The following DAB1 variants were observed in gnomAD, a reference collection of about 807,000 sequenced individuals.
DAB1 encodes DAB adaptor protein 1, also known as disabled homolog 1.
DAB1 carries 15 observed loss-of-function variants against 64.6 expected under a neutral mutation model. That is an observed-to-expected ratio of 0.23 (90% confidence interval 0.16 to 0.36). DAB1 has a LOEUF of 0.36. Among genes scored for constraint, DAB1 ranks in the 10% least tolerant of loss-of-function variants. DAB1 has a pLI of 1.00. For missense variants in DAB1, 596 were observed against 706.7 expected, an observed-to-expected ratio of 0.84 and a Z score of 1.78; for synonymous variants, 235 against 251.9, an observed-to-expected ratio of 0.93 and a Z score of 0.64.
chr1:57,356,725 C>A (rs759688706), intron 1 of DAB1, among the ~76,000 whole-genome samples: 2 of 152,038 alleles, frequency 1.3e-5, no homozygotes, highest in Non-Finnish European at 2.9e-5. Context: ...TCAGCTGTGG[C>A]CAAATGAAGG....
chr1:57,302,532 T>C (rs1026966916), intron 1 of DAB1, among the ~76,000 whole-genome samples: 1 of 152,074 alleles, frequency 6.6e-6, no homozygotes, highest in Non-Finnish European at 1.5e-5. Context: ...TGGAATCACC[T>C]GAGGAGCTGA....
intron 5 of DAB1, among the ~76,000 whole-genome samples, chr1:58,123,526 A>C (rs928115193): frequency 7.2e-5 from 11 of 152,198 alleles, no homozygotes; most frequent in African/African-American, 2.7e-4. Flanking sequence ...TATCAAGATG[A>C]AAACAGTTTA....
intron 1 of DAB1, among the ~76,000 whole-genome samples, chr1:57,846,814 C>T (rs72666112): frequency 0.072 from 10,976 of 152,256 alleles, 629 homozygotes; most frequent in Admixed American, 0.21. Context: ...TACACGTGCA[C>T]GTGCGTGCAC....
At chr1:58,390,865 T>A (rs1644469774) in intron 3 of DAB1, among the ~76,000 whole-genome samples, 1 of 152,084 alleles carries the variant, frequency 6.6e-6, no homozygotes, top group Non-Finnish European at 1.5e-5. Flanking sequence ...GTGTAACAAA[T>A]GGAAAGTGTC....
At chr1:57,586,586 C>T (rs565671486) in intron 7 of DAB1, among the ~76,000 whole-genome samples, 1 of 152,018 alleles carries the variant, frequency 6.6e-6, no homozygotes, top group Non-Finnish European at 1.5e-5. Context: ...TCGTCATACA[C>T]ATTCTTCCTC....
At chr1:57,903,378 C>T (rs900314840) in intron 5 of DAB1, among the ~76,000 whole-genome samples, 2 of 152,162 alleles carry the variant, frequency 1.3e-5, no homozygotes, top group African/African-American at 4.8e-5. Context: ...TTTTTAGTAT[C>T]ACTCTAGACA....
chr1:57,360,204 T>A (rs555043869), intron 1 of DAB1, among the ~76,000 whole-genome samples: 86 of 152,016 alleles, frequency 5.7e-4, no homozygotes, highest in African/African-American at 2.0e-3. Flanking sequence ...ATACGCAATG[T>A]TAGCTGTCAA....
intron 5 of DAB1, among the ~76,000 whole-genome samples, chr1:58,002,509 TTAG>T (rs1242927520): frequency 3.9e-5 from 6 of 152,204 alleles, no homozygotes; most frequent in Admixed American, 1.3e-4. Flanking sequence ...TACTAGGATG[TTAG>T]AAGAAAAATA....
At chr1:58,236,523 AGGC>A (rs1280436765) in intron 4 of DAB1, among the ~76,000 whole-genome samples, 1 of 152,244 alleles carries the variant, frequency 6.6e-6, no homozygotes, top group Non-Finnish European at 1.5e-5. Context: ...ACAACCCAGA[AGGC>A]CAAATGCAAA....
chr1:58,202,497 G>A (rs1477272795), intron 4 of DAB1, among the ~76,000 whole-genome samples: 3 of 152,212 alleles, frequency 2.0e-5, no homozygotes, highest in African/African-American at 4.8e-5. Flanking sequence ...GAGCTGGTCT[G>A]TAACTGCTTT....
intron 1 of DAB1, among the ~76,000 whole-genome samples, chr1:57,331,731 C>A (rs1006322484): frequency 1.3e-5 from 2 of 152,190 alleles, no homozygotes; most frequent in African/African-American, 4.8e-5. Context: ...AAAGTTAAAG[C>A]CTTTTACCCT....
chr1:57,016,592 T>TAA (rs569427918), intron 11 of DAB1, among the ~76,000 whole-genome samples: 1 of 138,786 alleles, frequency 7.2e-6, no homozygotes, highest in African/African-American at 2.7e-5. Context: ...CACTTGTCTC[T>TAA]AAAAAAAAAA....
At chr1:58,475,623 T>C (rs968758020) in intron 3 of DAB1, among the ~76,000 whole-genome samples, 2 of 152,190 alleles carry the variant, frequency 1.3e-5, no homozygotes, top group African/African-American at 4.8e-5. Context: ...CTTTTGGAAG[T>C]GACCTCTCTT....
At chr1:58,319,927 A>C (rs1029398953) in intron 4 of DAB1, among the ~76,000 whole-genome samples, 7 of 152,178 alleles carry the variant, frequency 4.6e-5, no homozygotes, top group Non-Finnish European at 8.8e-5. Context: ...ATTTGCTTGG[A>C]AACTAGGTGA....
intron 7 of DAB1, among the ~76,000 whole-genome samples, chr1:57,501,091 T>A (rs181590746): frequency 6.6e-6 from 1 of 152,390 alleles, no homozygotes; most frequent in Non-Finnish European, 1.5e-5. Context: ...AGAGTCTGTT[T>A]CTAATACCTT....
At chr1:57,126,453 C>T (rs1657133677) in intron 4 of DAB1, among the ~76,000 whole-genome samples, 1 of 152,238 alleles carries the variant, frequency 6.6e-6, no homozygotes, top group East Asian at 1.9e-4. Flanking sequence ...TAAGCCCCTG[C>T]ACCTCTCTGA....
At chr1:57,827,296 A>G (rs1003452914) in intron 1 of DAB1, among the ~76,000 whole-genome samples, 3 of 152,232 alleles carry the variant, frequency 2.0e-5, no homozygotes, top group Non-Finnish European at 2.9e-5. Flanking sequence ...TAGAAAATCA[A>G]CTAGGACCCA....
intron 5 of DAB1, among the ~76,000 whole-genome samples, chr1:58,023,084 C>T (rs751678002): frequency 2.6e-5 from 4 of 152,098 alleles, no homozygotes; most frequent in Admixed American, 6.6e-5. Flanking sequence ...CCCCAAGTGC[C>T]CTTACACATG....
At chr1:57,298,109 C>T (rs533811501) in intron 1 of DAB1, among the ~76,000 whole-genome samples, 1 of 152,214 alleles carries the variant, frequency 6.6e-6, no homozygotes, top group South Asian at 2.1e-4. Flanking sequence ...TGTCATTAAC[C>T]TGTCAATCTT....
Sources: gnomAD v4.1 joint callset for allele counts (sites outside exome capture counted in the v4.1 genomes callset) on GRCh38, gnomAD v4.1.1 for gene constraint, MANE v1.5 for transcripts, NCBI Gene and HGNC (gene_info 2026-07-23, HGNC 2026-07-21) for gene names.